Variants in GATA4 observed in about 807,000 individuals in gnomAD.
GATA4 encodes the protein GATA binding protein 4, also known as transcription factor GATA-4.
A neutral mutation model predicts 37.9 loss-of-function variants in GATA4; 7 were observed. That is an observed-to-expected ratio of 0.18 (90% CI 0.11 to 0.35). GATA4 has a LOEUF of 0.35. GATA4 is among the 10% of genes least tolerant of loss of function. The pLI, the probability that GATA4 is intolerant of heterozygous loss-of-function variation, is 1.00. For missense variants in GATA4, 647 were observed against 653.0 expected (o/e 0.99, Z 0.10); for synonymous variants, 372 against 292.6 (o/e 1.27, Z -2.77).
chr8:11,751,291 C>G (rs1035095328), intron 4 of GATA4, among the ~76,000 whole-genome samples: 5 of 152,040 alleles, frequency 3.3e-5, no homozygotes, highest in East Asian at 1.9e-4. Context: ...GGCAAGGTGC[C>G]CAACACTACC....
rs796586667 is a variant in GATA4 at position 11,695,417 on chromosome 8, T to A, written c.-729+2757T>A. 1.1e-3 allele frequency among the ~76,000 whole-genome samples: 162 copies of A among 151,044 alleles called. 2 individuals carry two copies. Among genetic ancestry groups the A allele is most frequent in the African/African-American group, 3.7e-3 (152 of 40,864 alleles). On this transcript the variant is annotated intron_variant, in intron 1 of 2. Coordinates refer to the GATA4 transcript ENST00000526974. ...GTGAAACTCCATCTCAAAAAAAAAA[T>A]AAATAAAATAAATAAGAGCCAGAGT... is the stretch of plus-strand genomic sequence containing the variant.
At chr8:11,696,630 C>A (rs937601711) in intron 1 of GATA4, among the ~76,000 whole-genome samples, 6 of 152,198 alleles carry the variant, frequency 3.9e-5, no homozygotes, top group African/African-American at 1.2e-4. Flanking sequence ...ATATTTAGCT[C>A]TTCTTGTCCT....
chr8:11,691,569 G>A (rs113281282), upstream of GATA4, among the ~76,000 whole-genome samples: 43 of 152,356 alleles, frequency 2.8e-4, no homozygotes, highest in African/African-American at 1.0e-3. Flanking sequence ...GAACCTGGGA[G>A]ACAGTTTAGT....
chr8:11,713,222 A>G (rs557184727), intron 2 of GATA4, among the ~76,000 whole-genome samples: 7 of 152,232 alleles, frequency 4.6e-5, no homozygotes, highest in African/African-American at 1.4e-4. Flanking sequence ...CCTGACTGCA[A>G]TGTATGTGAA....
intron 1 of GATA4, among the ~76,000 whole-genome samples, chr8:11,679,597 GGC>G (rs1293308317): frequency 6.6e-6 from 1 of 152,180 alleles, no homozygotes; most frequent in Non-Finnish European, 1.5e-5. Context: ...AGAGGAGCTG[GGC>G]GCGCGGCCTG....
chr8:11,680,734 G>A (rs958326936), intron 1 of GATA4: 19 of 985,196 alleles, frequency 1.9e-5, no homozygotes, highest in Middle Eastern at 5.2e-4. Flanking sequence ...TACCCTGGGC[G>A]GCGAGGAGAG....
chr8:11,735,602 G>T (rs1232401683), intron 2 of GATA4, among the ~76,000 whole-genome samples: 1 of 152,010 alleles, frequency 6.6e-6, no homozygotes, highest in Non-Finnish European at 1.5e-5. Context: ...TGCTCTTATT[G>T]CCCAGGCTGG....
Position 11,705,228 on chromosome 8 carries a change from T to A in GATA4, c.-458+924T>A, listed in dbSNP as rs147753274. ...CGCCTCGGGGAAGTGTTTCCTGTGT[T>A]CCCAGAAAAGGAAGACAACCGAGAG... On this transcript the variant is annotated intron_variant, in intron 1 of 6. Coordinates refer to ENST00000532059, the MANE Select transcript of GATA4 (RefSeq NM_001308093.3). 2.3e-3 allele frequency among the ~76,000 whole-genome samples: 344 copies of A among 152,294 alleles called. 1 individual carries two copies. Among genetic ancestry groups the A allele is most frequent in the African/African-American group, 7.9e-3 (329 of 41,552 alleles).
At chr8:11,682,230 C>T (rs758979047) in intron 1 of GATA4, among the ~76,000 whole-genome samples, 4 of 152,166 alleles carry the variant, frequency 2.6e-5, no homozygotes, top group Non-Finnish European at 5.9e-5. Context: ...AAAACGGTGT[C>T]GGATGGCTTC....
chr8:11,754,452 A>G (rs775042144), intron 4 of GATA4, among the ~76,000 whole-genome samples: 1 of 152,182 alleles, frequency 6.6e-6, no homozygotes, highest in Non-Finnish European at 1.5e-5. Flanking sequence ...TCCTGGGCTC[A>G]AGCAGTCCTC....
intron 2 of GATA4, among the ~76,000 whole-genome samples, chr8:11,713,030 A>T (rs954448161): frequency 6.6e-6 from 1 of 151,538 alleles, no homozygotes; most frequent in Non-Finnish European, 1.5e-5. Flanking sequence ...TTTTAATTTC[A>T]ATGAGGAGAA....
Position 11,755,138 on chromosome 8 carries a change from G to A in GATA4, c.1000+5G>A. 1.9e-6 allele frequency: 3 copies of A among 1,607,878 alleles called. No individual in the cohort carries two copies. Among genetic ancestry groups the A allele is most frequent in the Non-Finnish European group, 2.6e-6 (3 of 1,174,486 alleles). On this transcript the variant is annotated splice_donor_5th_base_variant and intron_variant, in intron 5 of 6. Transcript: ENST00000532059. The stretch of plus-strand genomic sequence containing the variant: ...ATAAATCTAAGACACCAGCAGGTGA[G>A]GAAAAGATCTGTGAGTGATTATATG...
chr8:11,744,961 T>A (rs1235810565), intron 2 of GATA4, among the ~76,000 whole-genome samples: 1 of 152,194 alleles, frequency 6.6e-6, no homozygotes, highest in African/African-American at 2.4e-5. Context: ...ATTATTGATA[T>A]TCAAATCCAA....
In GATA4 at chr8:11,755,026, AT is replaced by A; in HGVS notation, c.913-17del. On this transcript the variant is annotated intron_variant, in intron 4 of 6. Coordinates refer to ENST00000532059, the MANE Select transcript of GATA4 (RefSeq NM_001308093.3). ...TACGCAGAAATGGAAAACCCTATAT[AT>A]TTACTTGTGACCCTCCAGGTCCCCA... 1 of 1,599,654 alleles carries A rather than the reference AT, an allele frequency of 6.3e-7. No individual in the cohort carries two copies. The highest frequency in any genetic ancestry group is 1.7e-5 in the Admixed American group (1 of 59,926).
chr8:11,751,723 C>T (rs1028244668), intron 4 of GATA4, among the ~76,000 whole-genome samples: 35 of 152,144 alleles, frequency 2.3e-4, no homozygotes, highest in African/African-American at 7.7e-4. Flanking sequence ...TGCTGAATCT[C>T]ACTAAAAATC....
At chr8:11,723,780 G>C (rs1800785331) in intron 2 of GATA4, among the ~76,000 whole-genome samples, 1 of 152,144 alleles carries the variant, frequency 6.6e-6, no homozygotes. Flanking sequence ...GCTTTTACTT[G>C]CTTCATTCAT....
intron 2 of GATA4, among the ~76,000 whole-genome samples, chr8:11,727,094 G>T (rs1008158095): frequency 2.6e-5 from 4 of 152,150 alleles, no homozygotes; most frequent in Admixed American, 6.5e-5. Context: ...AACGTCACAG[G>T]GAAACAAGCT....
intron 4 of GATA4, among the ~76,000 whole-genome samples, chr8:11,750,735 C>G (rs1246916266): frequency 7.3e-6 from 1 of 137,112 alleles, no homozygotes; most frequent in African/African-American, 2.7e-5. Flanking sequence ...GATTTCAAAA[C>G]CAACCTGGAC....
chr8:11,679,575 G>C (rs1798888089), intron 1 of GATA4, among the ~76,000 whole-genome samples: 1 of 152,226 alleles, frequency 6.6e-6, no homozygotes, highest in African/African-American at 2.4e-5. Flanking sequence ...CTTGCGGGGC[G>C]CGCAGCCGGG....
Sources: allele counts gnomAD v4.1 joint callset (sites outside exome capture counted in the v4.1 genomes callset), GRCh38; gene constraint gnomAD v4.1.1; transcripts MANE v1.5; gene names NCBI Gene and HGNC (gene_info 2026-07-23, HGNC 2026-07-21).